The following GRIK4 variants were observed in gnomAD, a reference collection of about 807,000 sequenced individuals.
GRIK4 encodes glutamate ionotropic receptor kainate type subunit 4.
In GRIK4, 40 loss-of-function variants were observed where a neutral mutation model predicts 104.9. That is an observed-to-expected ratio of 0.38 (90% confidence interval 0.30 to 0.50). The LOEUF is 0.50. Among genes scored for constraint, GRIK4 ranks in the 20% least tolerant of loss-of-function variants. The probability of loss-of-function intolerance (pLI) is 0.93; values close to 1 mark genes in which losing one functional copy is unlikely to be tolerated. For missense variants in GRIK4, 1,047 were observed against 1,308.1 expected (o/e 0.80, Z 3.08); for synonymous variants, 485 against 524.9 (o/e 0.92, Z 1.04).
At chr11:120,926,226 A>G (rs1417407276) in intron 13 of GRIK4, among the ~76,000 whole-genome samples, 1 of 152,136 alleles carries the variant, frequency 6.6e-6, no homozygotes, top group Non-Finnish European at 1.5e-5. Context: ...TCACACCTCA[A>G]CTATATAAAC....
intron 11 of GRIK4, among the ~76,000 whole-genome samples, chr11:120,890,315 G>T (rs1565419288): frequency 1.3e-5 from 2 of 151,886 alleles, no homozygotes; most frequent in African/African-American, 4.8e-5. Flanking sequence ...GGGAGAGGAG[G>T]AAAAAAAATG....
Position 120,519,759 on chromosome 11 carries a change from A to G in GRIK4, c.-159+7872A>G, listed in dbSNP as rs1020154997. Reference sequence around the variant, plus strand: ...GTGTGATTTCAAGCTCTAGTGGGAAATCCTTTGTGTGCATGCATGCATGCT... The same window carrying G: ...GTGTGATTTCAAGCTCTAGTGGGAAGTCCTTTGTGTGCATGCATGCATGCT... On this transcript the variant is annotated intron_variant, in intron 1 of 20. Transcript: ENST00000527524. Among the ~76,000 whole-genome samples the G allele has an allele frequency of 1.3e-5, 2 of 151,902 alleles. 1 individual carries two copies. The highest frequency in any genetic ancestry group is 4.1e-4 in the South Asian group (2 of 4,820).
At chr11:120,944,998 A>T (rs945362754) in intron 14 of GRIK4, among the ~76,000 whole-genome samples, 1 of 139,452 alleles carries the variant, frequency 7.2e-6, no homozygotes, top group African/African-American at 2.8e-5. Flanking sequence ...GTGTTGGTTT[A>T]AAAAAAAAAA....
chr11:120,742,345 CAAAAA>C (rs755002657), intron 3 of GRIK4, among the ~76,000 whole-genome samples: 1 of 74,138 alleles, frequency 1.3e-5, no homozygotes. Flanking sequence ...GACTCCGTTT[CAAAAA>C]AAAAAAAAAA....
intron 3 of GRIK4, among the ~76,000 whole-genome samples, chr11:120,716,336 TGGG>T (rs1950833435): frequency 6.6e-6 from 1 of 152,060 alleles, no homozygotes; most frequent in Admixed American, 6.5e-5. Context: ...TTTCACCTCC[TGGG>T]TTCAAGCAAT....
Position 120,986,233 on chromosome 11 carries a change from A to C in GRIK4, c.2844A>C (p.Lys948Asn). 1 of 1,571,610 alleles carries C rather than the reference A, an allele frequency of 6.4e-7. No homozygotes were observed. Among genetic ancestry groups the C allele is most frequent in the South Asian group, 1.1e-5 (1 of 88,782 alleles). Residue 948 changes from lysine (K) to asparagine (N), a missense_variant, in exon 21 of 21, where the codon AAA becomes AAC. Physicochemically the swap from Lys to Asn is moderately conservative, Grantham distance 94. This residue lies in a region of GRIK4 where 160 missense variants were observed against 140.9 expected (regional missense o/e 1.14). Coordinates refer to ENST00000527524, the MANE Select transcript of GRIK4 (RefSeq NM_014619.5). The stretch of plus-strand genomic sequence containing the variant: ...GCGAGGAGAGCCTGGAGTGGGAGAA[A>C]ACCACCAACAGCAGCGAGCCCGAGT... ...ARSEESLEWEKTTNSSEPE is the reference protein window; with the variant it reads ...ARSEESLEWENTTNSSEPE
intron 16 of GRIK4, among the ~76,000 whole-genome samples, chr11:120,957,925 G>A (rs1280448643): frequency 6.6e-6 from 1 of 152,188 alleles, no homozygotes; most frequent in Non-Finnish European, 1.5e-5. Flanking sequence ...AACAACAAAT[G>A]TAGCACGATT....
chr11:120,896,627 C>G (rs1356509632), intron 11 of GRIK4, among the ~76,000 whole-genome samples: 1 of 152,260 alleles, frequency 6.6e-6, no homozygotes. Context: ...CTGCCATCCA[C>G]ACTCTCCACC....
intron 1 of GRIK4, among the ~76,000 whole-genome samples, chr11:120,629,712 G>A (rs527429444): frequency 2.6e-5 from 4 of 152,336 alleles, no homozygotes; most frequent in Admixed American, 6.5e-5. Context: ...TTCCCTGCCA[G>A]GCCCGCTGTT....
chr11:120,588,516 G>A (rs1445018034), intron 1 of GRIK4, among the ~76,000 whole-genome samples: 3 of 152,088 alleles, frequency 2.0e-5, no homozygotes, highest in Non-Finnish European at 2.9e-5. Context: ...GACTTACTGC[G>A]ATCCAGACTG....
intron 8 of GRIK4, among the ~76,000 whole-genome samples, chr11:120,854,037 T>C (rs989353575): frequency 8.5e-5 from 13 of 152,258 alleles, no homozygotes; most frequent in African/African-American, 3.1e-4. Flanking sequence ...GAATAAAACC[T>C]GTTCTGTTCA....
chr11:120,603,915 AACCCCAGC>A (rs146795646), intron 1 of GRIK4, among the ~76,000 whole-genome samples: 4,404 of 151,946 alleles, frequency 0.029, 344 homozygotes, highest in East Asian at 0.17. Flanking sequence ...TCATGCCTAT[AACCCCAGC>A]ACTTTGGGAG....
rs1943930751 is a variant in GRIK4, at chr11:120,948,880, T to C, written c.1591-3975T>C. The stretch of plus-strand genomic sequence containing the variant: ...CAAAACAACCCCACGAGGTAGGTTT[T>C]ATTATTCCTTCCATGTTATACAGGA... On this transcript the variant is annotated intron_variant, in intron 14 of 20. Coordinates refer to ENST00000527524, the MANE Select transcript of GRIK4 (RefSeq NM_014619.5). 5.3e-5 allele frequency among the ~76,000 whole-genome samples: 8 copies of C among 152,304 alleles called. No homozygotes were observed. In the South Asian group the frequency reaches 1.7e-3, roughly 32 times the overall value.
intron 3 of GRIK4, among the ~76,000 whole-genome samples, chr11:120,786,044 G>C (rs572239503): frequency 3.9e-5 from 6 of 152,070 alleles, no homozygotes; most frequent in Non-Finnish European, 8.8e-5. Flanking sequence ...ATTCTTTCCC[G>C]ATCCAAGTCC....
At chr11:120,850,822 TTA>T (rs1022374556) in intron 8 of GRIK4, among the ~76,000 whole-genome samples, 3 of 149,084 alleles carry the variant, frequency 2.0e-5, no homozygotes, top group Non-Finnish European at 4.4e-5. Flanking sequence ...ATTATTATTA[TTA>T]TTATTATTAT....
chr11:120,653,169 T>G (rs981611183), intron 1 of GRIK4, among the ~76,000 whole-genome samples: 1 of 152,110 alleles, frequency 6.6e-6, no homozygotes, highest in East Asian at 1.9e-4. Context: ...GTGCTGAAGG[T>G]GAATAAGCAT....
At chr11:120,827,907 T>A (rs1343242659) in intron 6 of GRIK4, among the ~76,000 whole-genome samples, 1 of 152,190 alleles carries the variant, frequency 6.6e-6, no homozygotes, top group Non-Finnish European at 1.5e-5. Flanking sequence ...GGAAGAGTTA[T>A]TCCTTACGTT....
intron 1 of GRIK4, among the ~76,000 whole-genome samples, chr11:120,631,121 G>A (rs368440410): frequency 6.6e-6 from 1 of 152,358 alleles, no homozygotes; most frequent in African/African-American, 2.4e-5. Flanking sequence ...TGCACACATA[G>A]CACTCAGCAC....
At chr11:120,841,491 C>G (rs1166364874) in intron 8 of GRIK4, among the ~76,000 whole-genome samples, 1 of 152,202 alleles carries the variant, frequency 6.6e-6, no homozygotes, top group Non-Finnish European at 1.5e-5. Context: ...ACACACATAC[C>G]AGATTTTGTG....
Sources: gnomAD v4.1 joint callset for allele counts (sites outside exome capture counted in the v4.1 genomes callset) on GRCh38, gnomAD v4.1.1 for gene constraint, gnomAD v4.1.1 regional missense constraint, MANE v1.5 for transcripts, NCBI Gene and HGNC (gene_info 2026-07-23, HGNC 2026-07-21) for gene names.